The following ELFN2 variants were observed in gnomAD, a reference collection of about 807,000 sequenced individuals.
ELFN2 encodes protein phosphatase 1 regulatory subunit 29.
In ELFN2, 17 loss-of-function variants were observed where a neutral mutation model predicts 45.5. The ratio of observed to expected loss-of-function variants is 0.37; its 90% CI spans 0.26 to 0.56. The LOEUF is 0.56. ELFN2 is among the 20% of genes least tolerant of loss of function. ELFN2 has a pLI of 0.77. For missense variants in ELFN2, 922 were observed against 1,183.2 expected (o/e 0.78, Z 3.24); for synonymous variants, 550 against 551.5 (o/e 1.00, Z 0.04).
chr22:37,358,270 AG>A (rs1430827747), intron 1 of ELFN2, among the ~76,000 whole-genome samples: 2 of 152,194 alleles, frequency 1.3e-5, no homozygotes, highest in Admixed American at 6.5e-5. Context: ...CCCAGTCTCC[AG>A]GAAGTAGGAG....
intron 2 of ELFN2, among the ~76,000 whole-genome samples, chr22:37,395,885 C>T (rs1334356768): frequency 6.6e-6 from 1 of 152,184 alleles, no homozygotes; most frequent in Non-Finnish European, 1.5e-5. Context: ...GTGCAGGTCC[C>T]TGTCTGCTGT....
intron 2 of ELFN2, among the ~76,000 whole-genome samples, chr22:37,380,463 C>G (rs1397419805): frequency 6.6e-6 from 1 of 152,166 alleles, no homozygotes; most frequent in Non-Finnish European, 1.5e-5. Flanking sequence ...CCCAGGCTCC[C>G]GCTTGTGTGG....
rs142220294 is a variant in ELFN2, at chr22:37,395,806, C to T, written c.-462-19810G>A. On this transcript the variant is annotated intron_variant, in intron 2 of 2. Transcript: ENST00000402918. Reference sequence around the variant, plus strand: ...CAAAACTAGTGTCTGGCGTGCAGGGCATCACCAAGGGAGGCCCAGGGTGGG... The same window carrying T: ...CAAAACTAGTGTCTGGCGTGCAGGGTATCACCAAGGGAGGCCCAGGGTGGG... Among the ~76,000 whole-genome samples, 1,391 of 152,088 alleles carry T rather than the reference C, an allele frequency of 9.1e-3. 21 individuals are homozygous for T. Among genetic ancestry groups the T allele is most frequent in the African/African-American group, 0.032 (1,313 of 41,534 alleles).
intron 2 of ELFN2, among the ~76,000 whole-genome samples, chr22:37,384,081 C>T (rs918200288): frequency 6.6e-6 from 1 of 152,248 alleles, no homozygotes; most frequent in East Asian, 1.9e-4. Flanking sequence ...CCCCGTGCCT[C>T]CCCTGCTCAC....
intron 2 of ELFN2, among the ~76,000 whole-genome samples, chr22:37,407,615 C>A (rs1601766577): frequency 6.6e-6 from 1 of 152,130 alleles, no homozygotes; most frequent in East Asian, 1.9e-4. Flanking sequence ...CCCCACCCGG[C>A]GGCCAGGCGC....
chr22:37,342,269 G>T (rs1930575937), intron 2 of ELFN2, among the ~76,000 whole-genome samples: 1 of 152,128 alleles, frequency 6.6e-6, no homozygotes, highest in South Asian at 2.1e-4. Flanking sequence ...TCCTGCAAAT[G>T]ATCCAGCTCC....
At chr22:37,387,106 T>C (rs73884019) in intron 2 of ELFN2, among the ~76,000 whole-genome samples, 3,420 of 152,226 alleles carry the variant, frequency 0.022, 133 homozygotes, top group African/African-American at 0.077. Context: ...ACCGCAACCA[T>C]GACAGTGAGG....
chr22:37,350,069 C>T (rs1224967245), intron 1 of ELFN2, among the ~76,000 whole-genome samples: 1 of 150,884 alleles, frequency 6.6e-6, no homozygotes, highest in Non-Finnish European at 1.5e-5. Flanking sequence ...GGCTGTGGTA[C>T]GCAGAGGGCT....
At chr22:37,381,109 T>C (rs138781005) in intron 2 of ELFN2, among the ~76,000 whole-genome samples, 5 of 152,330 alleles carry the variant, frequency 3.3e-5, no homozygotes, top group Non-Finnish European at 2.9e-5. Flanking sequence ...TCCTGGCCTC[T>C]AAGACAGTCA....
At chr22:37,406,486 CA>C (rs1029732634) in intron 2 of ELFN2, among the ~76,000 whole-genome samples, 3 of 152,188 alleles carry the variant, frequency 2.0e-5, no homozygotes, top group Non-Finnish European at 2.9e-5. Flanking sequence ...GACCCCCAGA[CA>C]GTGCCTCCCA....
intron 2 of ELFN2, among the ~76,000 whole-genome samples, chr22:37,387,778 C>G (rs924973575): frequency 6.6e-6 from 1 of 151,996 alleles, no homozygotes; most frequent in Non-Finnish European, 1.5e-5. Flanking sequence ...CTCTCAAACC[C>G]GCTTCCCCCT....
chr22:37,383,357 C>T (rs1306932147), intron 2 of ELFN2, among the ~76,000 whole-genome samples: 1 of 152,242 alleles, frequency 6.6e-6, no homozygotes, highest in Non-Finnish European at 1.5e-5. Context: ...CTCACAAGGT[C>T]CACGGGCAGC....
rs1931414487 is a variant in ELFN2, at chr22:37,372,899, TCA to T, written c.*171_*172del. On this transcript the variant is annotated 3_prime_UTR_variant, in exon 3 of 3. Coordinates refer to ENST00000402918, the MANE Select transcript of ELFN2 (RefSeq NM_052906.5). The surrounding 1 kb of genome is among the most constrained non-coding windows in gnomAD (Gnocchi z 4.4). Reference sequence around the variant, plus strand: ...CCGTTATTGTCGGATGTTGGTTTGTTCACAGTCGGGTGGTGGTCAGGTGTGTG... The same window carrying T: ...CCGTTATTGTCGGATGTTGGTTTGTTCAGTCGGGTGGTGGTCAGGTGTGTG... 4.5e-6 allele frequency: 3 copies of T among 663,038 alleles called. No individual in the cohort carries two copies. Among genetic ancestry groups the T allele is most frequent in the Non-Finnish European group, 7.5e-6 (3 of 401,244 alleles). 41.1% of individuals were successfully genotyped at this position (663,038 alleles called of 1,614,324 possible).
rs564246523 is a variant in ELFN2, at chr22:37,397,729, G to A, written c.-463+20040C>T. Among the ~76,000 whole-genome samples the A allele has an allele frequency of 5.3e-5, 8 of 152,278 alleles. No individual in the cohort carries two copies. The South Asian group carries it at 1.5e-3, about 28-fold the overall frequency. The stretch of plus-strand genomic sequence containing the variant: ...AGCAGCCGACCTGAACCCAGAGATC[G>A]GCATTGGTCTCCTGCCCACTTCTTC... On this transcript the variant is annotated intron_variant, in intron 2 of 2. Coordinates refer to ENST00000402918, the MANE Select transcript of ELFN2 (RefSeq NM_052906.5).
At chr22:37,401,718 G>C (rs867834053) in intron 2 of ELFN2, among the ~76,000 whole-genome samples, 23 of 152,310 alleles carry the variant, frequency 1.5e-4, no homozygotes, top group African/African-American at 5.5e-4. Flanking sequence ...AAGCCGGCCC[G>C]GCAGCCCTCC....
chr22:37,400,281 A>C (rs1269082712), intron 2 of ELFN2, among the ~76,000 whole-genome samples: 1 of 150,634 alleles, frequency 6.6e-6, no homozygotes, highest in Non-Finnish European at 1.5e-5. Flanking sequence ...CCACAGGCCG[A>C]CTCCCACTGT....
intron 2 of ELFN2, among the ~76,000 whole-genome samples, chr22:37,379,932 C>A (rs894229622): frequency 1.3e-5 from 2 of 152,192 alleles, no homozygotes; most frequent in Non-Finnish European, 2.9e-5. Context: ...CCCCTGCCCC[C>A]CCTCGGAGGG....
intron 2 of ELFN2, among the ~76,000 whole-genome samples, chr22:37,402,645 T>G (rs1932393168): frequency 1.3e-5 from 2 of 152,142 alleles, no homozygotes; most frequent in Non-Finnish European, 2.9e-5. Context: ...AGTCCCAGCC[T>G]GTCTTCTCTC....
intron 2 of ELFN2, among the ~76,000 whole-genome samples, chr22:37,406,697 G>A (rs1384827628): frequency 1.3e-5 from 2 of 152,248 alleles, no homozygotes; most frequent in African/African-American, 2.4e-5. Flanking sequence ...ATCCTCCCGG[G>A]CATTAGGGCA....
Sources: allele counts gnomAD v4.1 joint callset (sites outside exome capture counted in the v4.1 genomes callset), GRCh38; gene constraint gnomAD v4.1.1; non-coding constraint Gnocchi (gnomAD v3.1); transcripts MANE v1.5; gene names NCBI Gene and HGNC (gene_info 2026-07-23, HGNC 2026-07-21).